Variants in ACAD11 observed in about 807,000 individuals in gnomAD.
ACAD11 encodes the protein acyl-CoA dehydrogenase family member 11.
Under a neutral mutation model 102.2 loss-of-function variants are expected in ACAD11, and 83 were observed. The ratio of observed to expected loss-of-function variants is 0.81; its 90% CI spans 0.68 to 0.97. The LOEUF (loss-of-function observed/expected upper bound fraction) is 0.97. Among genes scored for constraint, ACAD11 ranks in the 50% least tolerant of loss-of-function variants. The probability of loss-of-function intolerance (pLI) is 0.00; values close to 1 mark genes in which losing one functional copy is unlikely to be tolerated. For missense variants in ACAD11, 901 were observed against 951.7 expected, an observed-to-expected ratio of 0.95 and a Z score of 0.70; for synonymous variants, 324 against 319.8, an observed-to-expected ratio of 1.01 and a Z score of -0.14.
chr3:132,657,266 T>A (rs1048257058), intron 1 of ACAD11, among the ~76,000 whole-genome samples: 1 of 152,228 alleles, frequency 6.6e-6, no homozygotes. Flanking sequence ...AGTGCCAACA[T>A]TGTCACTTAT....
chr3:132,573,437 T>C (rs1358330615), intron 17 of ACAD11, among the ~76,000 whole-genome samples: 1 of 152,184 alleles, frequency 6.6e-6, no homozygotes, highest in Non-Finnish European at 1.5e-5. Flanking sequence ...ATTTTTGATA[T>C]ATTGGGTTAA....
At chr3:132,623,641 T>G (rs1057331747) in intron 9 of ACAD11, among the ~76,000 whole-genome samples, 3 of 152,216 alleles carry the variant, frequency 2.0e-5, no homozygotes, top group African/African-American at 7.2e-5. Flanking sequence ...TTGGCAATCT[T>G]CCCTTTAAAG....
In ACAD11 at chr3:132,630,575, T is replaced by G. The variant is rs1318741225; in HGVS notation, c.842-17A>C. On this transcript the variant is annotated splice_polypyrimidine_tract_variant and intron_variant, in intron 6 of 19. Coordinates refer to ENST00000264990, the MANE Select transcript of ACAD11 (RefSeq NM_032169.5). The stretch of plus-strand genomic sequence containing the variant: ...ATGGTATCCCTATAAAAACAGCATG[T>G]AATATAAACTTTAATTAAAATGTCG... 3.2e-6 allele frequency: 5 copies of G among 1,586,326 alleles called. No individual in the cohort carries two copies. Among genetic ancestry groups the G allele is most frequent in the Non-Finnish European group, 4.3e-6 (5 of 1,167,574 alleles).
chr3:132,657,338 T>C (rs567573625), intron 1 of ACAD11, among the ~76,000 whole-genome samples: 1 of 152,346 alleles, frequency 6.6e-6, no homozygotes, highest in South Asian at 2.1e-4. Context: ...TTGGTCTGTC[T>C]ATCTCTGTGC....
intron 4 of ACAD11, 107 bp from the exon 5 acceptor site, chr3:132,639,763 T>G: frequency 9.9e-7 from 1 of 1,013,478 alleles, no homozygotes; most frequent in East Asian, 2.7e-5. Context: ...CCTAAATACT[T>G]AAGACCCATG....
intron 16 of ACAD11, among the ~76,000 whole-genome samples, chr3:132,576,511 A>G (rs1937526617): frequency 1.3e-5 from 2 of 152,246 alleles, no homozygotes; most frequent in South Asian, 2.1e-4. Flanking sequence ...TTCATAAAGT[A>G]CTGAGGTTTT....
At chr3:132,603,781 G>T (rs569195401) in intron 12 of ACAD11, among the ~76,000 whole-genome samples, 6 of 152,242 alleles carry the variant, frequency 3.9e-5, no homozygotes, top group East Asian at 3.9e-4. Context: ...TATATACTTT[G>T]CATTCTTTAA....
chr3:132,581,755 G>C (rs1937601596), intron 13 of ACAD11, among the ~76,000 whole-genome samples: 1 of 151,964 alleles, frequency 6.6e-6, no homozygotes, highest in Non-Finnish European at 1.5e-5. Context: ...AATTGACCTT[G>C]ATTCTAGAAA....
intron 1 of ACAD11, among the ~76,000 whole-genome samples, chr3:132,651,866 A>T (rs1940943240): frequency 6.6e-6 from 1 of 152,194 alleles, no homozygotes; most frequent in East Asian, 1.9e-4. Context: ...CCCCCATTGT[A>T]TCTAGGAAGT....
chr3:132,603,596 C>G (rs1938710842), intron 12 of ACAD11, among the ~76,000 whole-genome samples: 1 of 152,162 alleles, frequency 6.6e-6, no homozygotes, highest in African/African-American at 2.4e-5. Context: ...ATTTGGGATA[C>G]AACCCAGTCC....
At chr3:132,570,741 T>TA (rs1228433015) in intron 17 of ACAD11, among the ~76,000 whole-genome samples, 1 of 152,156 alleles carries the variant, frequency 6.6e-6, no homozygotes, top group Admixed American at 6.6e-5. Flanking sequence ...AGCTCCCACT[T>TA]ATAAGTGACA....
intron 9 of ACAD11, among the ~76,000 whole-genome samples, chr3:132,624,830 G>A (rs551427979): frequency 1.3e-5 from 2 of 151,638 alleles, no homozygotes; most frequent in Admixed American, 6.6e-5. Flanking sequence ...GGGACTATAG[G>A]TGTGCAGCAC....
intron 13 of ACAD11, chr3:132,600,795 T>C: frequency 6.2e-7 from 1 of 1,614,036 alleles, no homozygotes; most frequent in Non-Finnish European, 8.5e-7. Flanking sequence ...CTGGCTTGTA[T>C]CAGCATAGAC....
chr3:132,621,175 C>T (rs138133697), intron 9 of ACAD11: 2 of 152,236 alleles, frequency 1.3e-5, no homozygotes, highest in East Asian at 1.9e-4. Context: ...TCCTCAAATT[C>T]GGAAAGCCAA....
At chr3:132,576,876 T>C (rs1937531548) in intron 16 of ACAD11, 68 bp downstream of exon 16, 1 of 1,140,766 alleles carries the variant, frequency 8.8e-7, no homozygotes, top group Non-Finnish European at 1.3e-6. Context: ...GAAAGACTTA[T>C]CTTTTCCAGA....
At chr3:132,642,410 A>G (rs1483961213) in intron 3 of ACAD11, among the ~76,000 whole-genome samples, 5 of 152,208 alleles carry the variant, frequency 3.3e-5, no homozygotes, top group African/African-American at 7.2e-5. Context: ...GGTTATTGCC[A>G]TTACAGATAG....
At chr3:132,592,492 C>T (rs1192634374) in intron 13 of ACAD11, among the ~76,000 whole-genome samples, 3 of 152,112 alleles carry the variant, frequency 2.0e-5, no homozygotes, top group Admixed American at 2.0e-4. Context: ...AATTACATCT[C>T]CCTGATGTTA....
chr3:132,584,384 C>T (rs990607730), intron 13 of ACAD11, among the ~76,000 whole-genome samples: 3 of 152,018 alleles, frequency 2.0e-5, no homozygotes, highest in Non-Finnish European at 1.5e-5. Context: ...ATTGCAACCC[C>T]TGCCTTTTTT....
chr3:132,583,116 G>A (rs140483537), intron 13 of ACAD11, among the ~76,000 whole-genome samples: 1 of 152,122 alleles, frequency 6.6e-6, no homozygotes, highest in Non-Finnish European at 1.5e-5. Context: ...AATAGTTTCA[G>A]GAGGAATGGT....
Sources: allele counts gnomAD v4.1 joint callset (sites outside exome capture counted in the v4.1 genomes callset), GRCh38; gene constraint gnomAD v4.1.1; transcripts MANE v1.5; gene names NCBI Gene and HGNC (gene_info 2026-07-23, HGNC 2026-07-21).